BCL2L11: variants seen among roughly 807,000 people sequenced by gnomAD.
BCL2L11 encodes bcl-2-like protein 11.
Under a neutral mutation model 20.6 loss-of-function variants are expected in BCL2L11, and 15 were observed. The ratio of observed to expected loss-of-function variants is 0.73; its 90% CI spans 0.49 to 1.12. BCL2L11 has a LOEUF of 1.12. BCL2L11 is among the 50% of genes most tolerant of loss of function. BCL2L11 has a pLI of 0.00. For missense variants in BCL2L11, 292 were observed against 260.9 expected, an observed-to-expected ratio of 1.12 and a Z score of -0.82; for synonymous variants, 108 against 92.8, an observed-to-expected ratio of 1.16 and a Z score of -0.94.
At chr2:111,128,950 G>A (rs2073294213) in intron 2 of BCL2L11, 1 of 894,792 alleles carries the variant, frequency 1.1e-6, no homozygotes, top group Non-Finnish European at 1.6e-6. Context: ...GCCTCACAGA[G>A]GAGCTGGAGT....
chr2:111,142,463 A>T, intron 2 of BCL2L11: 1 of 1,189,038 alleles, frequency 8.4e-7, no homozygotes. Flanking sequence ...TTAAGTGAGA[A>T]GCTTTCATTA....
At chr2:111,146,822 TAAATAAGAGTTA>T (rs576339950) in intron 2 of BCL2L11, among the ~76,000 whole-genome samples, 1 of 152,330 alleles carries the variant, frequency 6.6e-6, no homozygotes, top group African/African-American at 2.4e-5. Context: ...AATACAGGAA[TAAATAAGAGTTA>T]AAATAAGAGT....
intron 3 of BCL2L11, among the ~76,000 whole-genome samples, chr2:111,156,160 C>CAT (rs3838220): frequency 0.59 from 90,192 of 151,850 alleles, 28,724 homozygotes; most frequent in African/African-American, 0.83. Flanking sequence ...CAAACCCAAA[C>CAT]GTGTGTTCTC....
chr2:111,129,662 T>C (rs1156918050), intron 2 of BCL2L11, among the ~76,000 whole-genome samples: 1 of 152,228 alleles, frequency 6.6e-6, no homozygotes, highest in Non-Finnish European at 1.5e-5. Context: ...TGTTTACTTC[T>C]ATTCAGGTTT....
chr2:111,146,243 A>G lies in BCL2L11; in HGVS notation c.395-3801A>G, dbSNP rs1044111096. The stretch of plus-strand genomic sequence containing the variant: ...GCCAAGTTAAAAATTTGATCTCCCT[A>G]CAGAGTAAGAGCTTTCATTTCAAAT... On this transcript the variant is annotated intron_variant, in intron 2 of 3. Transcript: ENST00000393256. The G allele has an allele frequency of 1.7e-5, 17 of 981,862 alleles. No homozygotes were observed. The Admixed American group carries it at 4.3e-4, about 25-fold the overall frequency. 60.8% of individuals were successfully genotyped at this position (981,862 alleles called of 1,614,324 possible). A position where few individuals can be genotyped will look rare whatever the true frequency, so the allele number is the denominator to read the frequency against.
Position 111,120,918 on chromosome 2 carries a change from C to A in BCL2L11, c.-284C>A. On this transcript the variant is annotated 5_prime_UTR_variant, in exon 1 of 4. Coordinates refer to ENST00000393256, the MANE Select transcript of BCL2L11 (RefSeq NM_138621.5). ...CTGCAGGGCCGCGCAGGTTTCACTTCGCTCCGCGCAGCCGCCTGGTCTGCA... is the reference window on the plus strand; with the variant it reads ...CTGCAGGGCCGCGCAGGTTTCACTTAGCTCCGCGCAGCCGCCTGGTCTGCA... 3 of 337,402 alleles carry A rather than the reference C, an allele frequency of 8.9e-6. 1 individual carries two copies. Among genetic ancestry groups the A allele is most frequent in the Non-Finnish European group, 1.6e-5 (3 of 189,618 alleles). 20.9% of individuals were successfully genotyped at this position (337,402 alleles called of 1,614,324 possible). A position where few individuals can be genotyped will look rare whatever the true frequency, so the allele number is the denominator to read the frequency against.
chr2:111,149,756 A>G (rs1382430200), intron 2 of BCL2L11, among the ~76,000 whole-genome samples: 1 of 152,236 alleles, frequency 6.6e-6, no homozygotes, highest in Non-Finnish European at 1.5e-5. Context: ...ACTTCTGGAA[A>G]TGGAAGTGTG....
At chr2:111,155,992 G>A (rs1361764090) in intron 3 of BCL2L11, among the ~76,000 whole-genome samples, 1 of 152,172 alleles carries the variant, frequency 6.6e-6, no homozygotes, top group Non-Finnish European at 1.5e-5. Context: ...CCTGTGCTCT[G>A]TATGAATTTG....
intron 1 of BCL2L11, chr2:111,123,158 G>C (rs564214198): frequency 1.0e-6 from 1 of 985,344 alleles, no homozygotes; most frequent in East Asian, 1.1e-4. Context: ...AGGGAGCACG[G>C]GCGGAGAGAG....
chr2:111,161,061 C>G lies in BCL2L11; in HGVS notation c.499-3072C>G, dbSNP rs1208516424. Among the ~76,000 whole-genome samples, 3 of 152,176 alleles carry G rather than the reference C, an allele frequency of 2.0e-5. No homozygotes were observed. In the East Asian group the frequency reaches 5.8e-4, roughly 29 times the overall value. ...ATCCCCTGTGTCTTCACGTGGTCTCCCTCCGTGGGTTTCTGTGTCCTGATT... is the reference window on the plus strand; with the variant it reads ...ATCCCCTGTGTCTTCACGTGGTCTCGCTCCGTGGGTTTCTGTGTCCTGATT... On this transcript the variant is annotated intron_variant, in intron 3 of 3. Transcript: ENST00000393256.
chr2:111,152,239 G>A (rs182347499), intron 3 of BCL2L11, among the ~76,000 whole-genome samples: 56 of 152,270 alleles, frequency 3.7e-4, no homozygotes, highest in East Asian at 5.8e-4. Context: ...TCTCCTTCCC[G>A]TCTGGAAGGG....
At chr2:111,148,807 C>G (rs2076890842) in intron 2 of BCL2L11, among the ~76,000 whole-genome samples, 1 of 152,186 alleles carries the variant, frequency 6.6e-6, no homozygotes, top group South Asian at 2.1e-4. Context: ...GTTAAATTCA[C>G]TTGGGTATAA....
chr2:111,145,902 G>C (rs2076430315), intron 2 of BCL2L11: 1 of 933,154 alleles, frequency 1.1e-6, no homozygotes, highest in Non-Finnish European at 1.3e-6. Flanking sequence ...CATTATAAAA[G>C]TTTTGATTAG....
chr2:111,154,044 T>G, intron 3 of BCL2L11: 1 of 990,264 alleles, frequency 1.0e-6, no homozygotes, highest in Non-Finnish European at 1.3e-6. Context: ...TAACTTCATT[T>G]GGAAATAATT....
chr2:111,123,136 G>C (rs2071560689), intron 1 of BCL2L11: 1 of 984,482 alleles, frequency 1.0e-6, no homozygotes, highest in African/African-American at 1.7e-5. Context: ...GTGCGGTACG[G>C]GAGCGGGAGG....
At chr2:111,155,104 C>CG (rs1391594632) in intron 3 of BCL2L11, among the ~76,000 whole-genome samples, 1 of 152,024 alleles carries the variant, frequency 6.6e-6, no homozygotes, top group Non-Finnish European at 1.5e-5. Context: ...TCCTTAGTGG[C>CG]GAGTAGGGAG....
intron 3 of BCL2L11, chr2:111,163,113 G>A: frequency 6.5e-6 from 1 of 154,406 alleles, no homozygotes. Flanking sequence ...GCTGCGGCTG[G>A]TGTCTGTGGG....
rs760779894 is a variant in BCL2L11, at chr2:111,147,346, T to TCTCTCA, written c.395-2697_395-2696insTCTCAC. Among the ~76,000 whole-genome samples, 1,144 of 137,346 alleles carry TCTCTCA rather than the reference T, an allele frequency of 8.3e-3. 24 individuals carry two copies. The highest frequency in any genetic ancestry group is 0.03 in the African/African-American group (1,039 of 34,912). The allele number at this position is 137,346 out of a possible 152,430, so 90.1% of individuals were successfully genotyped here. ...TCCTGTATCTCTCTCTCTCTCTCTC[T>TCTCTCA]CACACACACACACACACACACACAC... is the stretch of plus-strand genomic sequence containing the variant. On this transcript the variant is annotated intron_variant, in intron 2 of 3. Coordinates refer to ENST00000393256, the MANE Select transcript of BCL2L11 (RefSeq NM_138621.5).
chr2:111,122,882 G>T (rs960017666), intron 1 of BCL2L11: 25 of 985,382 alleles, frequency 2.5e-5, no homozygotes, highest in Middle Eastern at 5.2e-4. Context: ...GCGGGGCTTG[G>T]TCCCTGGCCC....
Sources: gnomAD v4.1 joint callset for allele counts (sites outside exome capture counted in the v4.1 genomes callset) on GRCh38, gnomAD v4.1.1 for gene constraint, MANE v1.5 for transcripts, NCBI Gene and HGNC (gene_info 2026-07-23, HGNC 2026-07-21) for gene names.